Variants in PRKDC observed in about 807,000 individuals in gnomAD.
PRKDC encodes protein kinase, DNA-activated, catalytic subunit, also known as DNA-dependent protein kinase catalytic subunit.
Under a neutral mutation model 486.9 loss-of-function variants are expected in PRKDC, and 82 were observed. That is an observed-to-expected ratio of 0.17 (90% CI 0.14 to 0.20). The LOEUF is 0.20. Among genes scored for constraint, PRKDC ranks in the 10% least tolerant of loss-of-function variants. The probability of loss-of-function intolerance (pLI) is 1.00; values close to 1 mark genes in which losing one functional copy is unlikely to be tolerated. For missense variants in PRKDC, 4,504 were observed against 5,038.2 expected (o/e 0.89, Z 3.21); for synonymous variants, 1,895 against 1,837.0 (o/e 1.03, Z -0.81).
In PRKDC at chr8:47,839,168, G is replaced by A. The variant is rs748416748; in HGVS notation, c.7533C>T (p.Ile2511=). 8 of 1,613,162 alleles carry A rather than the reference G, an allele frequency of 5.0e-6. No individual in the cohort carries two copies. Among genetic ancestry groups the A allele is most frequent in the Admixed American group, 3.3e-5 (2 of 59,998 alleles). The change falls in exon 56 of 86, where the codon ATC becomes ATT. Residue 2511 remains isoleucine, a synonymous_variant. Transcript: ENST00000314191. ...LAKDVLIQGL[I]DENPGLQLII... ...CGTACTGAAGTCCAGGGTTCTCATC[G>A]ATCAATCCTTGAATCAGCACATCTT...
chr8:47,927,671 A>C, intron 20 of PRKDC, 100 bp downstream of exon 20: 2 of 1,365,248 alleles, frequency 1.5e-6, no homozygotes, highest in Non-Finnish European at 1.9e-6. Flanking sequence ...CCTGTGAGGA[A>C]ACGCCTGCTG....
rs373582003 is a variant in PRKDC, at chr8:47,950,607, C to T, written c.721+3013G>A. Reference sequence around the variant, plus strand: ...TCATGCCACTGCACTCCAGCCTGGGCGACAGAGCAAGACTCCGGAAAAAAA... The same window carrying T: ...TCATGCCACTGCACTCCAGCCTGGGTGACAGAGCAAGACTCCGGAAAAAAA... On this transcript the variant is annotated intron_variant, in intron 7 of 85. Coordinates refer to ENST00000314191, the MANE Select transcript of PRKDC (RefSeq NM_006904.7). Among the ~76,000 whole-genome samples the T allele has an allele frequency of 2.3e-4, 32 of 137,328 alleles. 1 individual carries two copies. Among genetic ancestry groups the T allele is most frequent in the African/African-American group, 7.7e-4 (28 of 36,236 alleles). The allele number at this position is 137,328 out of a possible 152,430, so 90.1% of individuals were successfully genotyped here.
chr8:47,949,772 A>G (rs1384614274), intron 7 of PRKDC, among the ~76,000 whole-genome samples: 1 of 152,198 alleles, frequency 6.6e-6, no homozygotes, highest in African/African-American at 2.4e-5. Context: ...GAGAGGAGAG[A>G]GAAGACACGA....
At chr8:47,813,657 C>T (rs1589714568) in intron 68 of PRKDC, among the ~76,000 whole-genome samples, 1 of 151,986 alleles carries the variant, frequency 6.6e-6, no homozygotes, top group South Asian at 2.1e-4. Context: ...CTCACCGCAA[C>T]CTCTGCCTCC....
chr8:47,846,856 C>T (rs2088277402), intron 54 of PRKDC, among the ~76,000 whole-genome samples: 3 of 152,038 alleles, frequency 2.0e-5, no homozygotes, highest in Admixed American at 2.0e-4. Flanking sequence ...TTCTATACAC[C>T]AATAACATTA....
At chr8:47,878,284 T>A (rs2089133630) in intron 39 of PRKDC, among the ~76,000 whole-genome samples, 1 of 152,116 alleles carries the variant, frequency 6.6e-6, no homozygotes, top group South Asian at 2.1e-4. Context: ...TGTTTGTATT[T>A]TTAGTAGAGA....
At chr8:47,788,255 C>T (rs1028354987) in intron 76 of PRKDC, among the ~76,000 whole-genome samples, 6 of 152,208 alleles carry the variant, frequency 3.9e-5, no homozygotes, top group Non-Finnish European at 4.4e-5. Flanking sequence ...GATGCTGACG[C>T]CAAGCCCAAG....
intron 41 of PRKDC, 54 bp downstream of exon 41, chr8:47,864,502 A>C (rs1311569929): frequency 6.7e-7 from 1 of 1,495,888 alleles, no homozygotes; most frequent in Admixed American, 2.0e-5. Context: ...GTGTCTAGGC[A>C]CACCAGTCAA....
intron 34 of PRKDC, among the ~76,000 whole-genome samples, 185 bp from the exon 35 acceptor site, chr8:47,887,890 C>T (rs981445684): frequency 6.6e-6 from 1 of 152,192 alleles, no homozygotes; most frequent in Non-Finnish European, 1.5e-5. Flanking sequence ...GGGTCTTGCT[C>T]TGTCGCCCAG....
rs571061151 is a variant in PRKDC at position 47,889,230 on chromosome 8, A to G, written c.4072-8T>C. 6.2e-5 allele frequency: 99 copies of G among 1,586,932 alleles called. 2 individuals carry two copies. In the South Asian group the frequency reaches 1.0e-3, roughly 17 times the overall value. ...CAAGTCCTTCTTCAGGAGCTGTAAC[A>G]GATTGTTTGATAAAAACACTTCGTC... On this transcript the variant is annotated splice_region_variant and splice_polypyrimidine_tract_variant and intron_variant, in intron 32 of 85. Transcript: ENST00000314191.
chr8:47,828,147 T>G, intron 62 of PRKDC, 21 bp downstream of exon 62: 1 of 1,600,108 alleles, frequency 6.2e-7, no homozygotes, highest in Non-Finnish European at 8.5e-7. Flanking sequence ...GTATATTTGA[T>G]GAAGTGTGTG....
rs766013156 is a variant in PRKDC, at chr8:47,859,595, T to C, written c.6207+16A>G. On this transcript the variant is annotated intron_variant, in intron 46 of 85. Coordinates refer to ENST00000314191, the MANE Select transcript of PRKDC (RefSeq NM_006904.7). ...AAACATCGACAATATTCTTTTAGTA[T>C]GTGAAATGTGATCACCCGTCTCCGA... is the stretch of plus-strand genomic sequence containing the variant. 34 of 1,609,622 alleles carry C rather than the reference T, an allele frequency of 2.1e-5. No homozygotes were observed. The highest frequency in any genetic ancestry group is 1.5e-4 in the Admixed American group (9 of 59,606).
chr8:47,886,256 A>T, intron 35 of PRKDC, 109 bp from the exon 36 acceptor site: 1 of 816,092 alleles, frequency 1.2e-6, no homozygotes, highest in Non-Finnish European at 1.8e-6. Context: ...ACAGGTCTAA[A>T]AAGAGCCTGA....
intron 21 of PRKDC, among the ~76,000 whole-genome samples, chr8:47,924,213 T>C (rs2090119848): frequency 1.3e-5 from 2 of 152,152 alleles, no homozygotes; most frequent in African/African-American, 2.4e-5. Flanking sequence ...GTTCATAATA[T>C]ATTTTCCCGG....
chr8:47,923,681 T>A (rs552081149), intron 21 of PRKDC, among the ~76,000 whole-genome samples: 1 of 152,230 alleles, frequency 6.6e-6, no homozygotes, highest in Non-Finnish European at 1.5e-5. Flanking sequence ...CCATGCTGGC[T>A]GTGAAGGTGT....
At position 47,800,884 on chromosome 8, in the gene PRKDC, C is replaced by T; in HGVS notation, c.10025G>A (p.Ser3342Asn). The change falls in exon 71 of 86, where the codon AGC (serine) becomes AAC (asparagine). Residue 3342 changes from serine to asparagine, a missense_variant. By Grantham distance (46) the Ser-to-Asn change is conservative (BLOSUM62 1). This residue lies in a region of PRKDC where 1,592 missense variants were observed against 1,724.6 expected (regional missense o/e 0.92). Coordinates refer to ENST00000314191, the MANE Select transcript of PRKDC (RefSeq NM_006904.7). ...TTCAGCAAGGCAGGCTGGCTCACTGCTGAGAGCATTCGCTATGATCCTGTA... is the reference window on the plus strand; with the variant it reads ...TTCAGCAAGGCAGGCTGGCTCACTGTTGAGAGCATTCGCTATGATCCTGTA... Reference protein sequence around the residue: ...TTYRIIANALSSEPACLAEIE... With the variant: ...TTYRIIANALNSEPACLAEIE... 1 of 1,613,778 alleles carries T rather than the reference C, an allele frequency of 6.2e-7. No individual in the cohort carries two copies. The highest frequency in any genetic ancestry group is 8.5e-7 in the Non-Finnish European group (1 of 1,179,806).
chr8:47,896,151 ATTAT>A (rs1265439580), intron 30 of PRKDC, among the ~76,000 whole-genome samples: 1 of 152,074 alleles, frequency 6.6e-6, no homozygotes, highest in Non-Finnish European at 1.5e-5. Context: ...TTTATACTTC[ATTAT>A]TTATATAGCA....
At chr8:47,863,322 C>T in intron 42 of PRKDC, 77 bp downstream of exon 42, 1 of 1,221,678 alleles carries the variant, frequency 8.2e-7, no homozygotes, top group Non-Finnish European at 1.1e-6. Flanking sequence ...TTTATTCACA[C>T]TATATACATA....
intron 55 of PRKDC, 88 bp from the exon 56 acceptor site, chr8:47,839,334 T>A: frequency 1.1e-6 from 1 of 915,886 alleles, no homozygotes; most frequent in South Asian, 1.4e-5. Context: ...TAGAATTCAA[T>A]TTTAAAAGGC....
Sources: allele counts gnomAD v4.1 joint callset (sites outside exome capture counted in the v4.1 genomes callset), GRCh38; gene constraint gnomAD v4.1.1; regional missense constraint gnomAD v4.1.1; transcripts MANE v1.5; gene names NCBI Gene and HGNC (gene_info 2026-07-23, HGNC 2026-07-21).